Variants in ROBO2 observed in about 807,000 individuals in gnomAD.
ROBO2 encodes roundabout guidance receptor 2.
A neutral mutation model predicts 160.8 loss-of-function variants in ROBO2; 53 were observed. The observed-to-expected ratio is 0.33, with a 90% confidence interval of 0.26 to 0.41. The LOEUF is 0.41. Ranked by LOEUF, ROBO2 falls within the 10% of genes least tolerant of loss-of-function variation. The pLI, the probability that ROBO2 is intolerant of heterozygous loss-of-function variation, is 1.00. For synonymous variants in ROBO2, 664 were observed against 611.7 expected (o/e 1.09, Z -1.26); for missense variants, 1,577 against 1,722.4 (o/e 0.92, Z 1.49).
rs552845968 is a variant in ROBO2 at position 77,365,769 on chromosome 3, G to T, written c.389-111645G>T. 1.2e-3 allele frequency among the ~76,000 whole-genome samples: 175 copies of T among 152,164 alleles called. 2 individuals carry two copies. The highest frequency in any genetic ancestry group is 3.4e-3 in the Middle Eastern group (1 of 294). ...TGATAAGAGGACCTCTCATGGTATA[G>T]CCCAGAGTAAACTAACATGCATGAC... On this transcript the variant is annotated intron_variant, in intron 2 of 25. Coordinates refer to ENST00000461745, the Ensembl canonical transcript of ROBO2.
intron 2 of ROBO2, among the ~76,000 whole-genome samples, chr3:76,347,833 G>T (rs1340188250): frequency 6.6e-6 from 1 of 152,016 alleles, no homozygotes; most frequent in East Asian, 1.9e-4. Flanking sequence ...TTTTCCACAA[G>T]TGGCCCCAAA....
chr3:77,639,589 T>C (rs565650498), intron 24 of ROBO2, among the ~76,000 whole-genome samples: 6 of 152,182 alleles, frequency 3.9e-5, no homozygotes, highest in Non-Finnish European at 8.8e-5. Flanking sequence ...AGCTTGAGAC[T>C]TATTTGATAA....
At chr3:76,923,126 G>A (rs1391315993) in intron 2 of ROBO2, among the ~76,000 whole-genome samples, 1 of 152,122 alleles carries the variant, frequency 6.6e-6, no homozygotes, top group Admixed American at 6.5e-5. Context: ...TCCTTCTGGT[G>A]TCCCCAGGAT....
intron 2 of ROBO2, among the ~76,000 whole-genome samples, chr3:76,815,818 C>T (rs2065618952): frequency 6.6e-6 from 1 of 152,012 alleles, no homozygotes; most frequent in Non-Finnish European, 1.5e-5. Context: ...TGTTCCCTTT[C>T]CTCACTCATA....
At chr3:76,032,808 A>G (rs558056531) in intron 2 of ROBO2, among the ~76,000 whole-genome samples, 1 of 152,278 alleles carries the variant, frequency 6.6e-6, no homozygotes, top group South Asian at 2.1e-4. Flanking sequence ...TTTAAACACT[A>G]TGGCATGCTA....
chr3:76,112,363 T>C (rs2070272033), intron 2 of ROBO2, among the ~76,000 whole-genome samples: 1 of 152,134 alleles, frequency 6.6e-6, no homozygotes, highest in Non-Finnish European at 1.5e-5. Flanking sequence ...TGTTCTTATA[T>C]TGAAATACAA....
At chr3:76,216,955 AC>A (rs1336550235) in intron 2 of ROBO2, among the ~76,000 whole-genome samples, 5 of 152,178 alleles carry the variant, frequency 3.3e-5, no homozygotes, top group African/African-American at 1.2e-4. Context: ...ATTATAACAA[AC>A]TATCTCTCAG....
chr3:77,089,953 T>C (rs955953794), intron 1 of ROBO2, among the ~76,000 whole-genome samples: 1 of 152,192 alleles, frequency 6.6e-6, no homozygotes, highest in African/African-American at 2.4e-5. Context: ...CACTAATCAA[T>C]GTAGACAGCA....
rs79188360 is a variant in ROBO2, at chr3:77,138,006, TAA to T, written c.388+39668_388+39669del. On this transcript the variant is annotated intron_variant, in intron 2 of 25. Transcript: ENST00000461745. ...CAGACACAGTGGTAAACGTGTAATA[TAA>T]AGATTGCTCTGACACTCGTTTGAAT... Among the ~76,000 whole-genome samples, 3,290 of 152,264 alleles carry T rather than the reference TAA, an allele frequency of 0.022. 166 individuals are homozygous for T. The East Asian group carries it at 0.22, about 10-fold the overall frequency.
chr3:76,647,653 T>C (rs1037188211), intron 2 of ROBO2, among the ~76,000 whole-genome samples: 2 of 151,988 alleles, frequency 1.3e-5, no homozygotes, highest in Non-Finnish European at 2.9e-5. Context: ...ATGGCTGTAA[T>C]TTTTTTTATT....
chr3:77,391,656 A>T (rs2074745937), intron 2 of ROBO2, among the ~76,000 whole-genome samples: 1 of 152,130 alleles, frequency 6.6e-6, no homozygotes, highest in South Asian at 2.1e-4. Context: ...AATTCAAAAT[A>T]AGATTTGGGT....
chr3:76,823,061 T>C (rs1405633379), intron 2 of ROBO2, among the ~76,000 whole-genome samples: 1 of 152,134 alleles, frequency 6.6e-6, no homozygotes, highest in Non-Finnish European at 1.5e-5. Context: ...CCATTCCTTA[T>C]CTGTAAACTG....
chr3:77,494,308 G>A (rs777064265), intron 5 of ROBO2, among the ~76,000 whole-genome samples: 1 of 152,004 alleles, frequency 6.6e-6, no homozygotes, highest in Non-Finnish European at 1.5e-5. Context: ...TGGGCACGAT[G>A]GCTGACTCCT....
chr3:77,376,924 C>T (rs1225756154), intron 2 of ROBO2, among the ~76,000 whole-genome samples: 7 of 152,158 alleles, frequency 4.6e-5, no homozygotes, highest in Admixed American at 3.3e-4. Context: ...CCATCATTTT[C>T]TGAAAATAAT....
intron 2 of ROBO2, among the ~76,000 whole-genome samples, chr3:77,028,698 G>A (rs2063126607): frequency 6.6e-6 from 1 of 152,126 alleles, no homozygotes; most frequent in African/African-American, 2.4e-5. Flanking sequence ...CAGCCTGGGT[G>A]ACAGAGCGAG....
chr3:77,373,867 C>CA (rs35983454), intron 2 of ROBO2, among the ~76,000 whole-genome samples: 9,801 of 112,182 alleles, frequency 0.087, 563 homozygotes, highest in East Asian at 0.22. Flanking sequence ...CCAAAGCAGG[C>CA]AAAAAAAAAA....
intron 2 of ROBO2, among the ~76,000 whole-genome samples, chr3:76,297,934 G>T (rs1282495395): frequency 6.6e-6 from 1 of 152,096 alleles, no homozygotes; most frequent in Non-Finnish European, 1.5e-5. Context: ...GTGGCCACAT[G>T]GATTGGCTGA....
chr3:76,988,732 T>C (rs2149360288), intron 2 of ROBO2, among the ~76,000 whole-genome samples: 1 of 152,290 alleles, frequency 6.6e-6, no homozygotes, highest in South Asian at 2.1e-4. Flanking sequence ...ATGCCTCTGA[T>C]CCTTTGCTCT....
chr3:76,738,255 G>T (rs923076253), intron 2 of ROBO2, among the ~76,000 whole-genome samples: 1 of 152,122 alleles, frequency 6.6e-6, no homozygotes, highest in African/African-American at 2.4e-5. Flanking sequence ...GATAGGTAAG[G>T]CCTGATACTC....
Sources: gnomAD v4.1 joint callset for allele counts (sites outside exome capture counted in the v4.1 genomes callset) on GRCh38, gnomAD v4.1.1 for gene constraint, MANE v1.5 for transcripts, NCBI Gene and HGNC (gene_info 2026-07-23, HGNC 2026-07-21) for gene names.